The following KIF1C variants were observed in gnomAD, a reference collection of about 807,000 sequenced individuals.
KIF1C encodes kinesin family member 1C, also known as kinesin-like protein KIF1C.
In KIF1C, 61 loss-of-function variants were observed where a neutral mutation model predicts 126.5. That is an observed-to-expected ratio of 0.48 (90% CI 0.39 to 0.60). The LOEUF is 0.60. Ranked by LOEUF, KIF1C falls within the 20% of genes least tolerant of loss-of-function variation. The pLI is 0.00. For synonymous variants in KIF1C, 640 were observed against 580.6 expected (o/e 1.10, Z -1.47); for missense variants, 1,315 against 1,489.2 (o/e 0.88, Z 1.93).
chr17:5,007,813 T>C (rs1000268517), intron 16 of KIF1C, among the ~76,000 whole-genome samples: 2 of 152,186 alleles, frequency 1.3e-5, no homozygotes, highest in African/African-American at 4.8e-5. Context: ...TGCTTTTGTA[T>C]CATTTGAGTT....
Position 5,003,895 on chromosome 17 carries a change from G to A in KIF1C, c.843G>A (p.Val281=). The A allele has an allele frequency of 6.2e-7, 1 of 1,614,082 alleles. No individual in the cohort carries two copies. The highest frequency in any genetic ancestry group is 1.1e-5 in the South Asian group (1 of 91,078). ...AGTCCCTGACTACACTAGGGAAAGT[G>A]ATCTCGGCCCTTGCAGATATGGTGA... The part of the protein sequence containing the change: ...INKSLTTLGK[V]ISALADMQSK... Residue 281 remains valine (V), a synonymous_variant, in exon 10 of 23, where the codon GTG becomes GTA. Transcript: ENST00000320785.
chr17:5,001,668 T>C (rs762570616), intron 5 of KIF1C, among the ~76,000 whole-genome samples: 6 of 152,252 alleles, frequency 3.9e-5, no homozygotes, highest in Non-Finnish European at 8.8e-5. Flanking sequence ...GACTTACTAC[T>C]GTTTTACTTG....
intron 13 of KIF1C, 95 bp downstream of exon 13, chr17:5,005,095 C>A: frequency 6.7e-7 from 1 of 1,486,152 alleles, no homozygotes; most frequent in Non-Finnish European, 9.3e-7. Flanking sequence ...CAGGGAGGGA[C>A]CACACACTAT....
At position 5,004,456 on chromosome 17, in the gene KIF1C, C is replaced by T. The variant is rs1974677857; in HGVS notation, c.941-111C>T. ...CCCCGCTAGACTCCCCTACCTCAGA[C>T]CATGACCCTGTAAGACCTCTGCCTG... On this transcript the variant is annotated intron_variant, in intron 11 of 22. Transcript: ENST00000320785. 18 of 979,454 alleles carry T rather than the reference C, an allele frequency of 1.8e-5. No homozygotes were observed. In the South Asian group the frequency reaches 2.5e-4, roughly 14 times the overall value. 60.7% of individuals were successfully genotyped at this position (979,454 alleles called of 1,614,324 possible).
chr17:5,013,764 C>T, intron 17 of KIF1C, 32 bp downstream of exon 17: 1 of 1,582,690 alleles, frequency 6.3e-7, no homozygotes. Context: ...GGGGGGCAGC[C>T]TCTGCTTTTG....
Position 5,023,889 on chromosome 17 carries a change from C to T in KIF1C, c.3050C>T (p.Ala1017Val), listed in dbSNP as rs2143394246. 1 of 1,545,500 alleles carries T rather than the reference C, an allele frequency of 6.5e-7. No individual in the cohort carries two copies. Among genetic ancestry groups the T allele is most frequent in the Middle Eastern group, 1.7e-4 (1 of 5,726 alleles). The change falls in exon 23 of 23, where the codon GCC (alanine) becomes GTC (valine). Residue 1017 changes from alanine to valine, a missense_variant. Around this residue, in one of 2 missense-constraint regions of KIF1C, gnomAD observed 441 missense variants for 436.1 expected, o/e 1.01. Transcript: ENST00000320785. The surrounding 1 kb of genome is among the most constrained non-coding windows in gnomAD (Gnocchi z 4.2). Reference protein sequence around the residue: ...EEVTPHPATPARRPPSPRRSH... With the variant: ...EEVTPHPATPVRRPPSPRRSH... Reference sequence around the variant, plus strand: ...GTCACTCCCCATCCAGCCACCCCTGCCCGCCGGCCTCCGAGTCCCCGAAGG... The same window carrying T: ...GTCACTCCCCATCCAGCCACCCCTGTCCGCCGGCCTCCGAGTCCCCGAAGG...
rs960399267 is a variant in KIF1C at position 5,004,446 on chromosome 17, C to T, written c.941-121C>T. The T allele has an allele frequency of 1.2e-5, 11 of 880,632 alleles. No homozygotes were observed. In the East Asian group the frequency reaches 2.4e-4, roughly 19 times the overall value. 54.6% of individuals were successfully genotyped at this position (880,632 alleles called of 1,614,324 possible). ...GTTAGCTCCACCCCGCTAGACTCCC[C>T]TACCTCAGACCATGACCCTGTAAGA... On this transcript the variant is annotated intron_variant, in intron 11 of 22. Transcript: ENST00000320785.
rs781167716 is a variant in KIF1C, at chr17:5,006,928, A to C, written c.1179A>C (p.Glu393Asp). ...SASALEGLKT[E>D]EGSVRGALPA... ...TCTCCCTCCCAGGCCTGAAGACGGAAGAAGGGAGTGTCAGAGGCGCCCTGC... is the reference window on the plus strand; with the variant it reads ...TCTCCCTCCCAGGCCTGAAGACGGACGAAGGGAGTGTCAGAGGCGCCCTGC... Residue 393 changes from glutamate (E) to aspartate (D), a missense_variant, in exon 14 of 23, where the codon GAA becomes GAC. Coordinates refer to ENST00000320785, the MANE Select transcript of KIF1C (RefSeq NM_006612.6). The C allele has an allele frequency of 6.2e-7, 1 of 1,610,180 alleles. No homozygotes were observed. The highest frequency in any genetic ancestry group is 8.5e-7 in the Non-Finnish European group (1 of 1,178,982).
rs1289545539 is a variant in KIF1C at position 5,024,167 on chromosome 17, C to T, written c.*16C>T. The T allele has an allele frequency of 1.3e-6, 2 of 1,578,510 alleles. No homozygotes were observed. Among genetic ancestry groups the T allele is most frequent in the Non-Finnish European group, 1.7e-6 (2 of 1,160,902 alleles). The stretch of plus-strand genomic sequence containing the variant: ...AGCTGTGTGAGTCCCACATCCTGGG[C>T]AGAGGGCCTGGTGGGGCCCCTTGCT... On this transcript the variant is annotated 3_prime_UTR_variant, in exon 23 of 23. Transcript: ENST00000320785.
chr17:5,018,423 T>G (rs1975023945), intron 18 of KIF1C, among the ~76,000 whole-genome samples: 1 of 151,976 alleles, frequency 6.6e-6, no homozygotes, highest in Non-Finnish European at 1.5e-5. Context: ...TTCCAGCACT[T>G]TGGGAGGCCA....
chr17:5,022,476 G>T lies in KIF1C; in HGVS notation c.2395G>T (p.Val799Leu), dbSNP rs1255684775. The T allele has an allele frequency of 6.3e-7, 1 of 1,586,632 alleles. No homozygotes were observed. The highest frequency in any genetic ancestry group is 2.3e-5 in the East Asian group (1 of 43,618). ...PDGPGDAWRA[V>L]ARDVWDTVGE... Reference sequence around the variant, plus strand: ...CGGCCCCGGAGACGCCTGGAGGGCTGTGGCCCGGGATGTCTGGGACACTGT... The same window carrying T: ...CGGCCCCGGAGACGCCTGGAGGGCTTTGGCCCGGGATGTCTGGGACACTGT... Residue 799 changes from valine to leucine, a missense_variant, in exon 22 of 23, where the codon GTG becomes TTG. By Grantham distance (32) the Val-to-Leu change is conservative. Coordinates refer to ENST00000320785, the MANE Select transcript of KIF1C (RefSeq NM_006612.6). This position sits in a 1 kb window ranked among gnomAD's most constrained non-coding sequence, Gnocchi z 4.9.
rs770907929 is a variant in KIF1C at position 5,002,853 on chromosome 17, C to A, written c.720+11C>A. On this transcript the variant is annotated intron_variant, in intron 8 of 22. Coordinates refer to ENST00000320785, the MANE Select transcript of KIF1C (RefSeq NM_006612.6). ...CTGGACTCGGAGAAGGTGGGATCGC[C>A]CCCCCCCCCACTCCCCCACCGGATG... 15 of 763,332 alleles carry A rather than the reference C, an allele frequency of 2.0e-5. No individual in the cohort carries two copies. The highest frequency in any genetic ancestry group is 2.4e-5 in the Non-Finnish European group (14 of 578,642). The allele number at this position is 763,332 out of a possible 1,614,324, so 47.3% of individuals were successfully genotyped here.
intron 18 of KIF1C, among the ~76,000 whole-genome samples, chr17:5,018,990 G>A (rs899747162): frequency 1.3e-5 from 2 of 152,080 alleles, no homozygotes; most frequent in South Asian, 2.1e-4. Flanking sequence ...CCGTCCTGCT[G>A]TCCACCTCTG....
At position 5,027,428 on chromosome 17, in the gene KIF1C, C is replaced by T. The variant is rs1975227976; in HGVS notation, c.*3277C>T. ...TACAGGCGTGAGCCACCACGCCCAGCCTATTTATTTATTTTTTTAGAATCA... is the reference window on the plus strand; with the variant it reads ...TACAGGCGTGAGCCACCACGCCCAGTCTATTTATTTATTTTTTTAGAATCA... On this transcript the variant is annotated 3_prime_UTR_variant, in exon 23 of 23. Coordinates refer to ENST00000320785, the MANE Select transcript of KIF1C (RefSeq NM_006612.6). 1 of 152,192 alleles carries T rather than the reference C, an allele frequency of 6.6e-6. No homozygotes were observed. The highest frequency in any genetic ancestry group is 1.5e-5 in the Non-Finnish European group (1 of 68,044). 9.4% of individuals were successfully genotyped at this position (152,192 alleles called of 1,614,324 possible).
In KIF1C at chr17:5,022,740, C is replaced by G. The variant is rs1481737226; in HGVS notation, c.2628+31C>G. 1 of 1,486,360 alleles carries G rather than the reference C, an allele frequency of 6.7e-7. No individual in the cohort carries two copies. The highest frequency in any genetic ancestry group is 1.4e-5 in the African/African-American group (1 of 71,310). The allele number at this position is 1,486,360 out of a possible 1,614,324, so 92.1% of individuals were successfully genotyped here. A position where few individuals can be genotyped will look rare whatever the true frequency, so the allele number is the denominator to read the frequency against. ...ACTGGCCTTCTGCCTCCCTTCTCTCCTCCCTCGGCTCTTCACTTTAGGAGT... is the reference window on the plus strand; with the variant it reads ...ACTGGCCTTCTGCCTCCCTTCTCTCGTCCCTCGGCTCTTCACTTTAGGAGT... On this transcript the variant is annotated intron_variant, in intron 22 of 22. Transcript: ENST00000320785. This position sits in a 1 kb window ranked among gnomAD's most constrained non-coding sequence, Gnocchi z 4.9.
At chr17:5,008,636 A>G (rs568774665) in intron 16 of KIF1C, among the ~76,000 whole-genome samples, 3 of 152,224 alleles carry the variant, frequency 2.0e-5, no homozygotes, top group Non-Finnish European at 4.4e-5. Context: ...CCCTGTTCTG[A>G]AAAGAGGAGA....
At chr17:5,001,922 A>T in intron 5 of KIF1C, 137 bp from the exon 6 acceptor site, 1 of 742,206 alleles carries the variant, frequency 1.3e-6, no homozygotes, top group Non-Finnish European at 2.3e-6. Context: ...CCCATCTGTG[A>T]AATGGGAATA....
In KIF1C at chr17:5,003,871, G is replaced by A; in HGVS notation, c.819G>A (p.Lys273=). 6.2e-7 allele frequency: 1 copy of A among 1,613,796 alleles called. No individual in the cohort carries two copies. Among genetic ancestry groups the A allele is most frequent in the Non-Finnish European group, 8.5e-7 (1 of 1,179,710 alleles). ...TCCAGGAAGGAGCCAACATCAATAAGTCCCTGACTACACTAGGGAAAGTGA... is the reference window on the plus strand; with the variant it reads ...TCCAGGAAGGAGCCAACATCAATAAATCCCTGACTACACTAGGGAAAGTGA... ...MRLKEGANIN[K]SLTTLGKVIS... The change falls in exon 10 of 23, where the codon AAG becomes AAA. Residue 273 remains lysine (K), a synonymous_variant. Transcript: ENST00000320785.
Position 5,023,908 on chromosome 17 carries a change from C to T in KIF1C, c.3069C>T (p.Pro1023=). ...PATPARRPPS[P]RRSHHPRRNS... ...CCCCTGCCCGCCGGCCTCCGAGTCC[C>T]CGAAGGTCCCACCATCCCCGCAGGA... Residue 1023 remains proline, a synonymous_variant, in exon 23 of 23, where the codon CCC becomes CCT. Coordinates refer to ENST00000320785, the MANE Select transcript of KIF1C (RefSeq NM_006612.6). The surrounding 1 kb of genome is among the most constrained non-coding windows in gnomAD (Gnocchi z 4.2). The T allele has an allele frequency of 6.4e-7, 1 of 1,558,686 alleles. No individual in the cohort carries two copies. Among genetic ancestry groups the T allele is most frequent in the Non-Finnish European group, 8.7e-7 (1 of 1,151,700 alleles).
Sources: allele counts gnomAD v4.1 joint callset (sites outside exome capture counted in the v4.1 genomes callset), GRCh38; gene constraint gnomAD v4.1.1; regional missense constraint gnomAD v4.1.1; non-coding constraint Gnocchi (gnomAD v3.1); transcripts MANE v1.5; gene names NCBI Gene and HGNC (gene_info 2026-07-23, HGNC 2026-07-21).